CACHD1: variants seen among roughly 807,000 people sequenced by gnomAD.
CACHD1 encodes VWFA and cache domain-containing protein 1.
CACHD1 carries 71 observed loss-of-function variants against 138.7 expected under a neutral mutation model. That is an observed-to-expected ratio of 0.51 (90% confidence interval 0.42 to 0.62). The LOEUF (loss-of-function observed/expected upper bound fraction) is 0.62. Ranked by LOEUF, CACHD1 falls within the 20% of genes least tolerant of loss-of-function variation. The pLI, the probability that CACHD1 is intolerant of heterozygous loss-of-function variation, is 0.00. For missense variants in CACHD1, 1,389 were observed against 1,625.3 expected (o/e 0.85, Z 2.50); for synonymous variants, 578 against 591.5 (o/e 0.98, Z 0.33).
intron 24 of CACHD1, among the ~76,000 whole-genome samples, chr1:64,680,558 A>C (rs1398465647): frequency 6.6e-6 from 1 of 152,056 alleles, no homozygotes. Flanking sequence ...TACCACGTGC[A>C]GTATCTATAC....
At chr1:64,682,250 A>G (rs1650217167) in intron 26 of CACHD1, 144 bp downstream of exon 26, 1 of 692,788 alleles carries the variant, frequency 1.4e-6, no homozygotes, top group Non-Finnish European at 2.5e-6. Flanking sequence ...GGACAGTTTT[A>G]CTTATGTCTC....
intron 1 of CACHD1, among the ~76,000 whole-genome samples, chr1:64,530,393 A>G (rs562334896): frequency 2.0e-5 from 3 of 152,318 alleles, no homozygotes; most frequent in Admixed American, 1.3e-4. Context: ...GTCGTTGACA[A>G]GATCTTAGAA....
At chr1:64,518,527 G>A (rs1646475532) in intron 1 of CACHD1, among the ~76,000 whole-genome samples, 1 of 152,100 alleles carries the variant, frequency 6.6e-6, no homozygotes, top group African/African-American at 2.4e-5. Flanking sequence ...GGCAATATCA[G>A]GGAATGGTAG....
intron 2 of CACHD1, among the ~76,000 whole-genome samples, chr1:64,566,483 C>CG (rs1646882123): frequency 7.1e-6 from 1 of 140,920 alleles, no homozygotes; most frequent in African/African-American, 2.5e-5. Context: ...TTCAATTCCC[C>CG]CCCCCCCACA....
intron 1 of CACHD1, among the ~76,000 whole-genome samples, chr1:64,530,972 GTACT>G (rs201247330): frequency 0.027 from 3,511 of 131,778 alleles, 69 homozygotes; most frequent in Middle Eastern, 0.051. Flanking sequence ...ATTCTCACAA[GTACT>G]TATTTCCTAA....
intron 2 of CACHD1, among the ~76,000 whole-genome samples, chr1:64,575,036 T>C (rs1395004937): frequency 2.0e-5 from 3 of 152,238 alleles, no homozygotes; most frequent in African/African-American, 7.2e-5. Context: ...AGCTCTGTTG[T>C]TAGAAAATTT....
At chr1:64,642,932 G>A (rs1020939072) in intron 8 of CACHD1, among the ~76,000 whole-genome samples, 8 of 150,988 alleles carry the variant, frequency 5.3e-5, no homozygotes, top group African/African-American at 7.3e-5. Flanking sequence ...CCAGCTACTC[G>A]GGAGGTTGAG....
chr1:64,472,953 G>C (rs1436606102), intron 1 of CACHD1, among the ~76,000 whole-genome samples: 2 of 151,936 alleles, frequency 1.3e-5, no homozygotes, highest in African/African-American at 2.4e-5. Flanking sequence ...CTTGACAAAA[G>C]GTGAAATTGG....
chr1:64,601,636 ACAAT>A (rs1647215446), intron 3 of CACHD1, among the ~76,000 whole-genome samples: 1 of 152,238 alleles, frequency 6.6e-6, no homozygotes, highest in Non-Finnish European at 1.5e-5. Context: ...CCTTGCTTGT[ACAAT>A]CAGTTCCACG....
chr1:64,651,128 G>C (rs916189123), intron 9 of CACHD1, among the ~76,000 whole-genome samples: 1 of 151,840 alleles, frequency 6.6e-6, no homozygotes, highest in African/African-American at 2.4e-5. Flanking sequence ...ACCTAAGTAC[G>C]GTCTTTATAT....
intron 2 of CACHD1, among the ~76,000 whole-genome samples, chr1:64,581,411 T>C (rs1290065404): frequency 6.6e-6 from 1 of 152,194 alleles, no homozygotes; most frequent in Admixed American, 6.5e-5. Context: ...CAGTTTTCCT[T>C]GGAGATCTTT....
chr1:64,539,026 A>G (rs1256772547), intron 1 of CACHD1, among the ~76,000 whole-genome samples: 3 of 152,176 alleles, frequency 2.0e-5, no homozygotes, highest in African/African-American at 7.2e-5. Context: ...ACAGGACTTT[A>G]TAATCTTTTG....
intron 1 of CACHD1, among the ~76,000 whole-genome samples, chr1:64,495,215 G>T (rs1394263196): frequency 6.6e-6 from 1 of 152,010 alleles, no homozygotes; most frequent in African/African-American, 2.4e-5. Context: ...AATATATATA[G>T]AATTAATTTG....
chr1:64,587,158 G>A (rs973905681), intron 3 of CACHD1, among the ~76,000 whole-genome samples: 4 of 152,052 alleles, frequency 2.6e-5, no homozygotes, highest in African/African-American at 9.7e-5. Context: ...AACATTTTAA[G>A]TGCCTGTGGC....
chr1:64,655,417 C>T (rs1185058851), intron 12 of CACHD1, among the ~76,000 whole-genome samples: 3 of 151,940 alleles, frequency 2.0e-5, no homozygotes, highest in Non-Finnish European at 4.4e-5. Context: ...AAACAGTCCC[C>T]TATTAATGCA....
chr1:64,607,136 A>G (rs1158166002), intron 4 of CACHD1, among the ~76,000 whole-genome samples: 2 of 152,192 alleles, frequency 1.3e-5, no homozygotes, highest in African/African-American at 2.4e-5. Context: ...GACTGTGGGT[A>G]GAAAAGAGAA....
intron 1 of CACHD1, among the ~76,000 whole-genome samples, chr1:64,478,778 G>C (rs529679536): frequency 6.6e-6 from 1 of 152,274 alleles, no homozygotes; most frequent in Non-Finnish European, 1.5e-5. Flanking sequence ...ACCAGGTGTA[G>C]GTAAGCAGGG....
At chr1:64,687,777 G>A (rs890568981) in intron 26 of CACHD1, among the ~76,000 whole-genome samples, 1 of 152,170 alleles carries the variant, frequency 6.6e-6, no homozygotes, top group Non-Finnish European at 1.5e-5. Context: ...TGAGAGTATA[G>A]TGTGCGTTGG....
At chr1:64,524,890 C>T (rs1646525149) in intron 1 of CACHD1, among the ~76,000 whole-genome samples, 1 of 152,136 alleles carries the variant, frequency 6.6e-6, no homozygotes, top group African/African-American at 2.4e-5. Context: ...ATATAGCACT[C>T]CCATGTATGA....
Sources: allele counts gnomAD v4.1 joint callset (sites outside exome capture counted in the v4.1 genomes callset), GRCh38; gene constraint gnomAD v4.1.1; transcripts MANE v1.5; gene names NCBI Gene and HGNC (gene_info 2026-07-23, HGNC 2026-07-21).